The following AATF variants were observed in gnomAD, a reference collection of about 807,000 sequenced individuals.
AATF encodes protein AATF.
Under a neutral mutation model 63.7 loss-of-function variants are expected in AATF, and 48 were observed. The ratio of observed to expected loss-of-function variants is 0.75; its 90% confidence interval spans 0.60 to 0.96. The LOEUF (loss-of-function observed/expected upper bound fraction) is 0.96, where lower values mean the gene tolerates loss of function less well. Ranked by LOEUF, AATF falls within the 40% of genes least tolerant of loss-of-function variation. AATF has a pLI of 0.00. For missense variants in AATF, 639 were observed against 685.7 expected (o/e 0.93, Z 0.76); for synonymous variants, 258 against 247.7 (o/e 1.04, Z -0.39).
chr17:36,959,194 AG>A (rs1409081149), intron 4 of AATF, among the ~76,000 whole-genome samples: 3 of 152,110 alleles, frequency 2.0e-5, no homozygotes, highest in Non-Finnish European at 2.9e-5. Flanking sequence ...CTGTAATCCC[AG>A]CACTTTGGGA....
chr17:37,025,524 C>T (rs1318312316), intron 10 of AATF, among the ~76,000 whole-genome samples: 1 of 152,072 alleles, frequency 6.6e-6, no homozygotes, highest in Non-Finnish European at 1.5e-5. Context: ...GTTACGACAG[C>T]GATGAATACA....
chr17:37,042,734 TTTC>T (rs2071652079), intron 11 of AATF, among the ~76,000 whole-genome samples: 1 of 147,008 alleles, frequency 6.8e-6, no homozygotes, highest in Admixed American at 6.7e-5. Flanking sequence ...TAATTTTTTC[TTTC>T]TTTTTTTTTT....
chr17:36,978,096 C>G (rs1419164131), intron 4 of AATF, among the ~76,000 whole-genome samples: 1 of 152,134 alleles, frequency 6.6e-6, no homozygotes, highest in East Asian at 1.9e-4. Context: ...TGCACACTAT[C>G]TATCATGTTA....
intron 4 of AATF, among the ~76,000 whole-genome samples, chr17:36,963,321 A>G (rs8073931): frequency 0.038 from 5,780 of 152,256 alleles, 368 homozygotes; most frequent in African/African-American, 0.13. Context: ...TAAAGTTACA[A>G]CATGCAGTCT....
At chr17:36,952,788 C>T in intron 2 of AATF, 98 bp from the exon 3 acceptor site, 5 of 1,492,060 alleles carry the variant, frequency 3.4e-6, no homozygotes, top group Non-Finnish European at 4.5e-6. Context: ...GAGATTTTCC[C>T]CCTGATGCCA....
At chr17:36,982,137 TC>T (rs1331294960) in intron 4 of AATF, among the ~76,000 whole-genome samples, 1 of 152,086 alleles carries the variant, frequency 6.6e-6, no homozygotes, top group Non-Finnish European at 1.5e-5. Flanking sequence ...TAGCATGATG[TC>T]CCCAAGGTTT....
chr17:37,044,888 C>T (rs1453930113), intron 11 of AATF, among the ~76,000 whole-genome samples: 2 of 152,150 alleles, frequency 1.3e-5, no homozygotes, highest in East Asian at 3.8e-4. Flanking sequence ...CATGCAGTTA[C>T]TATGGAGCAT....
At chr17:37,013,028 A>G (rs967375860) in intron 8 of AATF, among the ~76,000 whole-genome samples, 6 of 152,234 alleles carry the variant, frequency 3.9e-5, no homozygotes, top group African/African-American at 1.4e-4. Flanking sequence ...TCCTGCCTCA[A>G]ATGACACTCT....
intron 8 of AATF, among the ~76,000 whole-genome samples, chr17:37,016,991 C>T (rs1260823651): frequency 6.6e-6 from 1 of 152,216 alleles, no homozygotes; most frequent in East Asian, 1.9e-4. Context: ...GAAAATGCAG[C>T]TCAGAATATG....
At chr17:37,013,464 A>T (rs150232677) in intron 8 of AATF, among the ~76,000 whole-genome samples, 2 of 152,326 alleles carry the variant, frequency 1.3e-5, no homozygotes, top group African/African-American at 4.8e-5. Flanking sequence ...TGGAAGCCTC[A>T]GGCTGCTTCT....
rs185003203 is a variant in AATF at position 36,983,251 on chromosome 17, C to T, written c.833-3366C>T. Among the ~76,000 whole-genome samples, 56 of 152,158 alleles carry T rather than the reference C, an allele frequency of 3.7e-4. 1 individual carries two copies. Among genetic ancestry groups the T allele is most frequent in the African/African-American group, 1.1e-3 (46 of 41,500 alleles). Reference sequence around the variant, plus strand: ...AGAGACAGGGTCTTCCTACATTGTCCGGGCTGGTCTTGAACTCCTGGTCTC... The same window carrying T: ...AGAGACAGGGTCTTCCTACATTGTCTGGGCTGGTCTTGAACTCCTGGTCTC... On this transcript the variant is annotated intron_variant, in intron 4 of 11. Transcript: ENST00000619387.
intron 4 of AATF, among the ~76,000 whole-genome samples, chr17:36,969,817 C>T (rs141685763): frequency 7.5e-4 from 114 of 152,288 alleles, no homozygotes; most frequent in African/African-American, 2.7e-3. Context: ...TCCTGGCCTT[C>T]CCTATTTGTC....
chr17:37,002,019 T>C (rs999592115), intron 8 of AATF, among the ~76,000 whole-genome samples: 1 of 151,612 alleles, frequency 6.6e-6, no homozygotes, highest in Non-Finnish European at 1.5e-5. Flanking sequence ...CTGGCCAACA[T>C]GGTGAAACCC....
At chr17:37,025,694 C>T (rs978475887) in intron 10 of AATF, among the ~76,000 whole-genome samples, 6 of 152,176 alleles carry the variant, frequency 3.9e-5, no homozygotes, top group African/African-American at 1.4e-4. Flanking sequence ...CTTGAAAGGC[C>T]TCTAGAATTT....
chr17:36,978,166 G>A (rs899180627), intron 4 of AATF, among the ~76,000 whole-genome samples: 1 of 151,842 alleles, frequency 6.6e-6, no homozygotes, highest in African/African-American at 2.4e-5. Context: ...TTCTTTCTAT[G>A]AGGAGACTCA....
chr17:36,993,924 C>T (rs906151252), intron 8 of AATF, among the ~76,000 whole-genome samples: 13 of 152,134 alleles, frequency 8.5e-5, no homozygotes, highest in Middle Eastern at 3.2e-3. Flanking sequence ...TTCACACTTT[C>T]ATTCTTTGTT....
intron 10 of AATF, among the ~76,000 whole-genome samples, chr17:37,025,043 G>A (rs879756661): frequency 1.7e-4 from 26 of 152,096 alleles, no homozygotes; most frequent in African/African-American, 5.1e-4. Flanking sequence ...AGGAGATGAC[G>A]GATTGAGAGA....
chr17:36,991,189 T>C (rs552161746), intron 8 of AATF, among the ~76,000 whole-genome samples: 1 of 152,324 alleles, frequency 6.6e-6, no homozygotes, highest in African/African-American at 2.4e-5. Flanking sequence ...AGTTATTTGG[T>C]TTCTTGTCTC....
At chr17:37,028,677 T>C (rs538699949) in intron 10 of AATF, among the ~76,000 whole-genome samples, 2 of 152,142 alleles carry the variant, frequency 1.3e-5, no homozygotes, top group South Asian at 4.2e-4. Flanking sequence ...TTCCAGCTAC[T>C]CAGGAGGCTG....
Sources: gnomAD v4.1 joint callset for allele counts (sites outside exome capture counted in the v4.1 genomes callset) on GRCh38, gnomAD v4.1.1 for gene constraint, MANE v1.5 for transcripts, NCBI Gene and HGNC (gene_info 2026-07-23, HGNC 2026-07-21) for gene names.